Variants in ZMAT4 observed in about 807,000 individuals in gnomAD.
ZMAT4 encodes the protein zinc finger matrin-type 4.
Under a neutral mutation model 28.7 loss-of-function variants are expected in ZMAT4, and 17 were observed. The observed-to-expected ratio is 0.59, with a 90% confidence interval of 0.41 to 0.89. ZMAT4 has a LOEUF of 0.89. Ranked by LOEUF, ZMAT4 falls within the 40% of genes least tolerant of loss-of-function variation. ZMAT4 has a pLI of 0.00. For synonymous variants in ZMAT4, 117 were observed against 109.2 expected (o/e 1.07, Z -0.44); for missense variants, 240 against 283.8 (o/e 0.85, Z 1.11).
At chr8:40,540,792 A>G (rs1803005917) in intron 6 of ZMAT4, among the ~76,000 whole-genome samples, 1 of 152,184 alleles carries the variant, frequency 6.6e-6, no homozygotes, top group South Asian at 2.1e-4. Context: ...GCATTGCAAT[A>G]TTGCAGTAGC....
At chr8:40,658,433 T>G (rs944974014) in intron 5 of ZMAT4, among the ~76,000 whole-genome samples, 1 of 152,030 alleles carries the variant, frequency 6.6e-6, no homozygotes, top group Non-Finnish European at 1.5e-5. Flanking sequence ...CAAATTCTGT[T>G]CCCCTGTGAT....
intron 6 of ZMAT4, among the ~76,000 whole-genome samples, chr8:40,570,127 C>G (rs1428706672): frequency 2.0e-5 from 3 of 151,980 alleles, no homozygotes; most frequent in African/African-American, 7.3e-5. Context: ...GCAGAAGCAG[C>G]CAGACAAAAA....
At chr8:40,673,996 A>G (rs184022898) in intron 5 of ZMAT4, among the ~76,000 whole-genome samples, 1 of 149,832 alleles carries the variant, frequency 6.7e-6, no homozygotes, top group East Asian at 2.0e-4. Flanking sequence ...CATTAAATTG[A>G]GTCAATTTGT....
intron 6 of ZMAT4, among the ~76,000 whole-genome samples, chr8:40,557,605 T>C (rs1005779915): frequency 5.3e-5 from 8 of 152,164 alleles, no homozygotes; most frequent in Admixed American, 4.6e-4. Context: ...ACAGGTGAGG[T>C]TGGTAGCCCC....
Position 40,630,707 on chromosome 8 carries a change from C to A in ZMAT4, c.577+43997G>T, listed in dbSNP as rs77834874. Among the ~76,000 whole-genome samples, 9 of 152,226 alleles carry A rather than the reference C, an allele frequency of 5.9e-5. No homozygotes were observed. The East Asian group carries it at 1.7e-3, about 29-fold the overall frequency. On this transcript the variant is annotated intron_variant, in intron 5 of 6. Transcript: ENST00000297737. ...GTCACAGTTAATGCATACATGTGCA[C>A]GAATTTATGCATACATGACATATGA... is the stretch of plus-strand genomic sequence containing the variant.
chr8:40,743,127 T>C (rs187501962), intron 3 of ZMAT4, among the ~76,000 whole-genome samples: 3 of 152,188 alleles, frequency 2.0e-5, no homozygotes, highest in Non-Finnish European at 2.9e-5. Flanking sequence ...GAAACAATCA[T>C]TGTACATCAT....
intron 3 of ZMAT4, among the ~76,000 whole-genome samples, chr8:40,743,330 AG>A (rs978743192): frequency 1.3e-5 from 2 of 152,294 alleles, no homozygotes; most frequent in Non-Finnish European, 2.9e-5. Flanking sequence ...ACAGCTGAAC[AG>A]GGAGCTTCCT....
intron 1 of ZMAT4, among the ~76,000 whole-genome samples, chr8:40,884,219 G>A (rs111408349): frequency 9.7e-5 from 12 of 123,540 alleles, no homozygotes; most frequent in East Asian, 2.8e-4. Flanking sequence ...CTCTGGCTAC[G>A]GACTCCTCTT....
chr8:40,699,184 G>A (rs1810022944), intron 3 of ZMAT4, among the ~76,000 whole-genome samples: 1 of 152,102 alleles, frequency 6.6e-6, no homozygotes, highest in Admixed American at 6.6e-5. Context: ...GGATCACCAG[G>A]AAGAGGCAAA....
intron 5 of ZMAT4, among the ~76,000 whole-genome samples, chr8:40,633,450 C>A (rs773398228): frequency 1.3e-5 from 2 of 152,114 alleles, no homozygotes; most frequent in Non-Finnish European, 2.9e-5. Flanking sequence ...CACTGGGACC[C>A]TCGGCAGTGT....
intron 6 of ZMAT4, among the ~76,000 whole-genome samples, chr8:40,547,460 C>A (rs1803239901): frequency 6.6e-6 from 1 of 152,122 alleles, no homozygotes; most frequent in East Asian, 1.9e-4. Flanking sequence ...AGGGCGTGGA[C>A]CTTGGGGCCA....
At chr8:40,738,091 T>A (rs1343337683) in intron 3 of ZMAT4, among the ~76,000 whole-genome samples, 1 of 152,090 alleles carries the variant, frequency 6.6e-6, no homozygotes, top group Admixed American at 6.6e-5. Flanking sequence ...AGGTAAAGAA[T>A]GAGTCCCAAG....
intron 1 of ZMAT4, among the ~76,000 whole-genome samples, chr8:40,859,996 T>C (rs1288095270): frequency 6.6e-6 from 1 of 152,204 alleles, no homozygotes; most frequent in Non-Finnish European, 1.5e-5. Context: ...AATTTGTATG[T>C]AATATGGTCT....
chr8:40,558,028 G>T (rs1803602743), intron 6 of ZMAT4, among the ~76,000 whole-genome samples: 2 of 152,132 alleles, frequency 1.3e-5, no homozygotes, highest in South Asian at 4.1e-4. Context: ...TGATGACTGG[G>T]GGCAGTGCAC....
chr8:40,651,983 A>G (rs1807684016), intron 5 of ZMAT4, among the ~76,000 whole-genome samples: 1 of 99,390 alleles, frequency 1.0e-5, no homozygotes, highest in African/African-American at 3.4e-5. Flanking sequence ...AAAACCCTAG[A>G]AGAAAACCTA....
At chr8:40,896,684 A>G (rs1244916123) in intron 1 of ZMAT4, among the ~76,000 whole-genome samples, 2 of 152,188 alleles carry the variant, frequency 1.3e-5, no homozygotes, top group Non-Finnish European at 2.9e-5. Context: ...CTCGCGATTT[A>G]GAATGCTCAA....
chr8:40,860,796 A>G (rs1169550916), intron 1 of ZMAT4, among the ~76,000 whole-genome samples: 1 of 152,188 alleles, frequency 6.6e-6, no homozygotes, highest in Non-Finnish European at 1.5e-5. Flanking sequence ...GTCGTCCTGG[A>G]GTCTGCAGTC....
intron 5 of ZMAT4, among the ~76,000 whole-genome samples, chr8:40,663,227 G>A (rs941010159): frequency 1.1e-4 from 16 of 152,150 alleles, no homozygotes; most frequent in South Asian, 8.3e-4. Context: ...TGATCTCTCC[G>A]CTCTAGGGAA....
At chr8:40,877,484 G>A (rs142031277) in intron 1 of ZMAT4, among the ~76,000 whole-genome samples, 9 of 152,270 alleles carry the variant, frequency 5.9e-5, no homozygotes, top group African/African-American at 2.2e-4. Flanking sequence ...TCTGCCCTCT[G>A]AAGACAGGAG....
Sources: gnomAD v4.1 joint callset for allele counts (sites outside exome capture counted in the v4.1 genomes callset) on GRCh38, gnomAD v4.1.1 for gene constraint, MANE v1.5 for transcripts, NCBI Gene and HGNC (gene_info 2026-07-23, HGNC 2026-07-21) for gene names.